Variants in MIPEP observed in about 807,000 individuals in gnomAD.
The protein encoded by MIPEP is mitochondrial intermediate peptidase.
MIPEP carries 79 observed loss-of-function variants against 90.3 expected under a neutral mutation model. The ratio of observed to expected loss-of-function variants is 0.87; its 90% CI spans 0.73 to 1.05. The LOEUF (loss-of-function observed/expected upper bound fraction) is 1.05. Among genes scored for constraint, MIPEP ranks in the 50% least tolerant of loss-of-function variants. The pLI is 0.00. For synonymous variants in MIPEP, 334 were observed against 315.8 expected, an observed-to-expected ratio of 1.06 and a Z score of -0.61; for missense variants, 940 against 905.6, an observed-to-expected ratio of 1.04 and a Z score of -0.49.
chr13:23,824,178 G>A (rs887578057), intron 14 of MIPEP, among the ~76,000 whole-genome samples: 1 of 152,212 alleles, frequency 6.6e-6, no homozygotes, highest in Admixed American at 6.5e-5. Flanking sequence ...ATGAGCTTAA[G>A]TTGTAAGCAT....
intron 16 of MIPEP, among the ~76,000 whole-genome samples, chr13:23,767,643 G>A (rs1478248411): frequency 1.3e-5 from 2 of 151,976 alleles, no homozygotes; most frequent in African/African-American, 2.4e-5. Context: ...TAGTAGAGAC[G>A]GGGTTTCACT....
At chr13:23,831,230 A>T (rs1868720345) in intron 14 of MIPEP, among the ~76,000 whole-genome samples, 1 of 152,138 alleles carries the variant, frequency 6.6e-6, no homozygotes, top group Non-Finnish European at 1.5e-5. Flanking sequence ...AATTTACCTA[A>T]AACCTGATGT....
chr13:23,864,212 A>G (rs1391578891), intron 7 of MIPEP, 23 bp from the exon 8 acceptor site: 4 of 1,467,130 alleles, frequency 2.7e-6, no homozygotes, highest in South Asian at 1.3e-5. Context: ...CCAAAAGAAA[A>G]TATCTTCAAT....
In MIPEP at chr13:23,806,530, T is replaced by TA. The variant is rs1953109017; in HGVS notation, c.1729-462dup. Among the ~76,000 whole-genome samples the TA allele has an allele frequency of 2.6e-5, 4 of 151,844 alleles. No individual in the cohort carries two copies. In the South Asian group the frequency reaches 8.3e-4, roughly 32 times the overall value. On this transcript the variant is annotated intron_variant, in intron 15 of 18. Transcript: ENST00000382172. ...GTTTCTACTAAAAATACAAAAAAATTAGACAGGCGTGGTGGCAGGCACCTC... is the reference window on the plus strand; with the variant it reads ...GTTTCTACTAAAAATACAAAAAAATTAAGACAGGCGTGGTGGCAGGCACCTC...
chr13:23,840,232 A>C (rs1869234716), intron 11 of MIPEP, among the ~76,000 whole-genome samples: 1 of 152,222 alleles, frequency 6.6e-6, no homozygotes, highest in Admixed American at 6.5e-5. Context: ...ACTACTCTCC[A>C]TCTTGCCTTC....
At position 23,878,571 on chromosome 13, in the gene MIPEP, A is replaced by G. The variant is rs552736469; in HGVS notation, c.539+697T>C. Among the ~76,000 whole-genome samples the G allele has an allele frequency of 5.3e-5, 8 of 152,364 alleles. No homozygotes were observed. In the South Asian group the frequency reaches 1.2e-3, roughly 24 times the overall value. The stretch of plus-strand genomic sequence containing the variant: ...CAGGAACAAACAAATGAGAAAAAAA[A>G]TTAATCTGTGTTATGACATACATAT... On this transcript the variant is annotated intron_variant, in intron 4 of 18. Coordinates refer to ENST00000382172, the MANE Select transcript of MIPEP (RefSeq NM_005932.4).
intron 16 of MIPEP, among the ~76,000 whole-genome samples, chr13:23,761,171 A>G (rs1262291963): frequency 1.3e-5 from 2 of 151,874 alleles, no homozygotes; most frequent in African/African-American, 2.4e-5. Context: ...AGAACCAAAG[A>G]TAACCACCAG....
rs1871485420 is a variant in MIPEP at position 23,886,430 on chromosome 13, T to C, written c.266A>G (p.Glu89Gly). The change falls in exon 2 of 19, where the codon GAA becomes GGA. Residue 89 changes from glutamate (E) to glycine (G), a missense_variant. Coordinates refer to ENST00000382172, the MANE Select transcript of MIPEP (RefSeq NM_005932.4). Reference protein sequence around the residue: ...IAQEKALRKTELLVDRACSTP... With the variant: ...IAQEKALRKTGLLVDRACSTP... The stretch of plus-strand genomic sequence containing the variant: ...GGAACATGCACGGTCCACAAGCAAT[T>C]CTGTCTTTCTCAAGGCTTTTTCTTG... 4 of 1,608,182 alleles carry C rather than the reference T, an allele frequency of 2.5e-6. No homozygotes were observed. The highest frequency in any genetic ancestry group is 3.4e-6 in the Non-Finnish European group (4 of 1,176,848).
intron 2 of MIPEP, 132 bp from the exon 3 acceptor site, chr13:23,881,919 T>C (rs113484199): frequency 9.8e-5 from 64 of 655,536 alleles, no homozygotes; most frequent in African/African-American, 9.2e-4. Flanking sequence ...TTACTGACTT[T>C]TTCCTAAGCG....
intron 16 of MIPEP, among the ~76,000 whole-genome samples, chr13:23,777,357 C>T (rs1952730160): frequency 6.6e-6 from 1 of 152,126 alleles, no homozygotes; most frequent in Admixed American, 6.5e-5. Context: ...CAAAAGGAGT[C>T]ATAGGTTGTA....
intron 14 of MIPEP, among the ~76,000 whole-genome samples, chr13:23,828,010 G>A (rs1206459496): frequency 6.6e-6 from 1 of 152,144 alleles, no homozygotes; most frequent in East Asian, 1.9e-4. Flanking sequence ...GGACCAAGGT[G>A]GCTTAATCCT....
chr13:23,793,208 A>G (rs889799787), intron 16 of MIPEP, among the ~76,000 whole-genome samples: 1 of 152,262 alleles, frequency 6.6e-6, no homozygotes, highest in African/African-American at 2.4e-5. Context: ...GAACAGATAA[A>G]TAAGTTGTGG....
Position 23,806,001 on chromosome 13 carries a change from A to G in MIPEP, c.1797T>C (p.Ile599=), listed in dbSNP as rs1467421779. The change falls in exon 16 of 19, where the codon ATT becomes ATC. Residue 599 remains isoleucine (I), a synonymous_variant. Coordinates refer to ENST00000382172, the MANE Select transcript of MIPEP (RefSeq NM_005932.4). Reference sequence around the variant, plus strand: ...AGAATTTCTCTTGTGTTTCCTTGAGAATGTCTGTGGTTGAATTCCTCAGGG... The same window carrying G: ...AGAATTTCTCTTGTGTTTCCTTGAGGATGTCTGTGGTTGAATTCCTCAGGG... ...KHPLRNSTTD[I]LKETQEKFYG... 1 of 1,613,856 alleles carries G rather than the reference A, an allele frequency of 6.2e-7. No homozygotes were observed. The highest frequency in any genetic ancestry group is 8.5e-7 in the Non-Finnish European group (1 of 1,179,856).
At chr13:23,747,484 C>A (rs1565980047) in intron 18 of MIPEP, 1 of 483,366 alleles carries the variant, frequency 2.1e-6, no homozygotes, top group Non-Finnish European at 4.1e-6. Flanking sequence ...TGGGCAGAAC[C>A]AAGCACTGTA....
At chr13:23,771,530 T>TACAC (rs3077653) in intron 16 of MIPEP, among the ~76,000 whole-genome samples, 9,645 of 145,976 alleles carry the variant, frequency 0.066, 354 homozygotes, top group Middle Eastern at 0.092. Flanking sequence ...ATTTGCTGAC[T>TACAC]ACACACACAC....
intron 7 of MIPEP, among the ~76,000 whole-genome samples, chr13:23,866,462 T>C (rs1870538773): frequency 6.6e-6 from 1 of 152,080 alleles, no homozygotes; most frequent in African/African-American, 2.4e-5. Context: ...GTGCTGCAGG[T>C]CCAGTGAGCT....
At chr13:23,744,262 C>T (rs1319396538) in intron 18 of MIPEP, among the ~76,000 whole-genome samples, 1 of 152,194 alleles carries the variant, frequency 6.6e-6, no homozygotes, top group African/African-American at 2.4e-5. Context: ...GCACATGCCA[C>T]TTTTCAGATT....
intron 2 of MIPEP, among the ~76,000 whole-genome samples, chr13:23,882,635 G>A (rs1333697945): frequency 6.7e-6 from 1 of 148,192 alleles, no homozygotes; most frequent in Non-Finnish European, 1.5e-5. Flanking sequence ...GTAACAAAAA[G>A]CAGAGAAACT....
At chr13:23,880,833 C>T (rs769057824) in intron 3 of MIPEP, among the ~76,000 whole-genome samples, 84 of 152,192 alleles carry the variant, frequency 5.5e-4, no homozygotes, top group Non-Finnish European at 9.0e-4. Flanking sequence ...TCCAAGGAAG[C>T]CTCGTCTAAC....
Sources: allele counts gnomAD v4.1 joint callset (sites outside exome capture counted in the v4.1 genomes callset), GRCh38; gene constraint gnomAD v4.1.1; transcripts MANE v1.5; gene names NCBI Gene and HGNC (gene_info 2026-07-23, HGNC 2026-07-21).